The following C5orf63 variants were observed in gnomAD, a reference collection of about 807,000 sequenced individuals.
C5orf63 encodes the protein chromosome 5 open reading frame 63.
A neutral mutation model predicts 13.3 loss-of-function variants in C5orf63; 18 were observed. The observed-to-expected ratio is 1.36, with a 90% CI of 0.94 to 2.01. The LOEUF (loss-of-function observed/expected upper bound fraction) is 2.01, where lower values mean the gene tolerates loss of function less well. Among genes scored for constraint, C5orf63 ranks in the 30% most tolerant of loss-of-function variants. C5orf63 has a pLI of 0.00. For synonymous variants in C5orf63, 38 were observed against 44.7 expected, an observed-to-expected ratio of 0.85 and a Z score of 0.60; for missense variants, 118 against 127.7, an observed-to-expected ratio of 0.92 and a Z score of 0.36.
chr5:127,051,802 A>C lies in C5orf63; in HGVS notation c.317T>G (p.Leu106Arg). The C allele has an allele frequency of 1.3e-6, 2 of 1,529,784 alleles. No individual in the cohort carries two copies. Among genetic ancestry groups the C allele is most frequent in the South Asian group, 1.2e-5 (1 of 82,384 alleles). 94.8% of individuals were successfully genotyped at this position (1,529,784 alleles called of 1,614,324 possible). The change falls in exon 5 of 5, where the codon CTG (leucine) becomes CGG (arginine). Residue 106 changes from leucine (L) to arginine (R), a missense_variant. Coordinates refer to ENST00000296662, the MANE Select transcript of C5orf63 (RefSeq NM_001164478.2). Reference protein sequence around the residue: ...VNTSKLEKQLLKLEQQSTGG With the variant: ...VNTSKLEKQLRKLEQQSTGG Reference sequence around the variant, plus strand: ...TCCAGTACTTTGCTGCTCAAGTTTCAGGAGCTGTTTTTCAAGTTTTGAGGT... The same window carrying C: ...TCCAGTACTTTGCTGCTCAAGTTTCCGGAGCTGTTTTTCAAGTTTTGAGGT...
At position 127,061,097 on chromosome 5, in the gene C5orf63, G is replaced by T. The variant is rs1268042470; in HGVS notation, c.-7-2095C>A. On this transcript the variant is annotated intron_variant, in intron 2 of 4. Coordinates refer to ENST00000296662, the MANE Select transcript of C5orf63 (RefSeq NM_001164478.2). ...CAGTATGTACAGCAGTCACTATTTG[G>T]GCCTATTCTATATAATAACTAAAGA... 2.6e-5 allele frequency among the ~76,000 whole-genome samples: 4 copies of T among 151,924 alleles called. No individual in the cohort carries two copies. In the East Asian group the frequency reaches 7.7e-4, roughly 29 times the overall value.
intron 3 of C5orf63, chr5:127,056,392 C>T (rs988003914): frequency 6.5e-5 from 10 of 152,790 alleles, no homozygotes; most frequent in African/African-American, 2.4e-4. Context: ...GTTTATTGGA[C>T]TTACAGTTCC....
chr5:127,068,489 C>G (rs550822437), intron 2 of C5orf63, among the ~76,000 whole-genome samples: 150 of 152,268 alleles, frequency 9.9e-4, no homozygotes, highest in African/African-American at 3.2e-3. Flanking sequence ...ACTGTCTAAG[C>G]ATCCAAGATG....
chr5:127,072,115 A>G (rs1277474309), intron 1 of C5orf63: 1 of 152,204 alleles, frequency 6.6e-6, no homozygotes, highest in Non-Finnish European at 1.5e-5. Flanking sequence ...GAGGGAAGAA[A>G]GACAATCTGA....
Position 127,068,913 on chromosome 5 carries a change from C to T in C5orf63, c.-8+2671G>A, listed in dbSNP as rs146558905. Among the ~76,000 whole-genome samples the T allele has an allele frequency of 2.6e-5, 4 of 152,290 alleles. No homozygotes were observed. The East Asian group carries it at 7.7e-4, about 29-fold the overall frequency. ...CCAAGAGTCCAAAGGGAATTCTGGACTAATTCCTGTTAACACAATGGGGTT... is the reference window on the plus strand; with the variant it reads ...CCAAGAGTCCAAAGGGAATTCTGGATTAATTCCTGTTAACACAATGGGGTT... On this transcript the variant is annotated intron_variant, in intron 2 of 4. Transcript: ENST00000296662.
chr5:127,060,685 T>C (rs536353174), intron 2 of C5orf63, among the ~76,000 whole-genome samples: 1 of 152,374 alleles, frequency 6.6e-6, no homozygotes, highest in South Asian at 2.1e-4. Flanking sequence ...CTGTTCTTTG[T>C]ATACCCAATA....
downstream of C5orf63, among the ~76,000 whole-genome samples, chr5:127,048,613 T>C (rs1443093719): frequency 6.6e-6 from 1 of 152,178 alleles, no homozygotes; most frequent in Admixed American, 6.6e-5. Context: ...CCTTGAAATG[T>C]AGCATCTATT....
downstream of C5orf63, chr5:127,047,202 A>C (rs1189433015): frequency 6.5e-6 from 1 of 154,088 alleles, no homozygotes; most frequent in Non-Finnish European, 1.4e-5. Context: ...CATTAGCTTG[A>C]AGGGGGAAAA....
At chr5:127,052,206 A>G (rs761324820) in intron 4 of C5orf63, among the ~76,000 whole-genome samples, 1 of 152,234 alleles carries the variant, frequency 6.6e-6, no homozygotes, top group Non-Finnish European at 1.5e-5. Context: ...CAATGAAATA[A>G]AACATGTCCC....
chr5:127,052,465 G>A (rs1753715465), intron 4 of C5orf63, 148 bp downstream of exon 4: 1 of 522,062 alleles, frequency 1.9e-6, no homozygotes, highest in Non-Finnish European at 3.0e-6. Flanking sequence ...ATGGTAATAA[G>A]CACTAAACTC....
chr5:127,069,793 T>C (rs180691579), intron 2 of C5orf63, among the ~76,000 whole-genome samples: 2 of 152,208 alleles, frequency 1.3e-5, no homozygotes, highest in Non-Finnish European at 2.9e-5. Flanking sequence ...ATAGCTATCA[T>C]TGATAGAATT....
At chr5:127,060,321 A>G (rs1376264913) in intron 2 of C5orf63, among the ~76,000 whole-genome samples, 1 of 152,200 alleles carries the variant, frequency 6.6e-6, no homozygotes, top group Non-Finnish European at 1.5e-5. Context: ...TCTACTGGAC[A>G]TATTCCAGTA....
At chr5:127,056,168 T>C (rs1246054175) in intron 3 of C5orf63, among the ~76,000 whole-genome samples, 1 of 152,166 alleles carries the variant, frequency 6.6e-6, no homozygotes, top group Non-Finnish European at 1.5e-5. Context: ...GTGAGAAACC[T>C]GACTTAGGCT....
intron 2 of C5orf63, among the ~76,000 whole-genome samples, chr5:127,068,234 C>G (rs376002719): frequency 6.6e-6 from 1 of 152,242 alleles, no homozygotes. Flanking sequence ...AAACAAATGC[C>G]ATGGGAATAG....
chr5:127,047,826 C>T (rs569298577), downstream of C5orf63: 397 of 703,862 alleles, frequency 5.6e-4, 1 homozygote, highest in African/African-American at 6.6e-3. Flanking sequence ...TGTATCTTTT[C>T]CCCGACTGAG....
In C5orf63 at chr5:127,059,030, C is replaced by T; in HGVS notation, c.-7-28G>A. 3 of 1,278,758 alleles carry T rather than the reference C, an allele frequency of 2.3e-6. No homozygotes were observed. In the Middle Eastern group the frequency reaches 5.5e-4, roughly 233 times the overall value. The allele number at this position is 1,278,758 out of a possible 1,614,324, so 79.2% of individuals were successfully genotyped here. A position where few individuals can be genotyped will look rare whatever the true frequency, so the allele number is the denominator to read the frequency against. On this transcript the variant is annotated intron_variant, in intron 2 of 4. Transcript: ENST00000296662. The stretch of plus-strand genomic sequence containing the variant: ...GCCAAAAGAAAAATAAAGCAGTAAA[C>T]TTATGTGCCCTAGACTTTGTTCCTT...
chr5:127,072,717 G>A (rs539779572), intron 1 of C5orf63, among the ~76,000 whole-genome samples: 5 of 152,100 alleles, frequency 3.3e-5, no homozygotes, highest in Admixed American at 6.5e-5. Context: ...GATCACCCAA[G>A]CAAAACATTC....
At chr5:127,049,752 G>A (rs1353150278), downstream of C5orf63, among the ~76,000 whole-genome samples, 1 of 152,206 alleles carries the variant, frequency 6.6e-6, no homozygotes, top group Non-Finnish European at 1.5e-5. Context: ...TTCAGTTTCT[G>A]TAAACCAGAA....
At chr5:127,055,486 A>G (rs1181057349) in intron 3 of C5orf63, among the ~76,000 whole-genome samples, 2 of 152,296 alleles carry the variant, frequency 1.3e-5, no homozygotes, top group African/African-American at 4.8e-5. Context: ...TTAACATGAC[A>G]GGAAGAGATA....
Sources: allele counts gnomAD v4.1 joint callset (sites outside exome capture counted in the v4.1 genomes callset), GRCh38; gene constraint gnomAD v4.1.1; transcripts MANE v1.5; gene names NCBI Gene and HGNC (gene_info 2026-07-23, HGNC 2026-07-21).